The following PLAG1 variants were observed in gnomAD, a reference collection of about 807,000 sequenced individuals.
PLAG1 encodes the protein zinc finger protein PLAG1.
In PLAG1, 7 loss-of-function variants were observed where a neutral mutation model predicts 35.5. The observed-to-expected ratio is 0.20, with a 90% CI of 0.11 to 0.37. The LOEUF is 0.37. Ranked by LOEUF, PLAG1 falls within the 10% of genes least tolerant of loss-of-function variation. The pLI is 1.00. For synonymous variants in PLAG1, 229 were observed against 225.4 expected, an observed-to-expected ratio of 1.02 and a Z score of -0.14; for missense variants, 454 against 602.8, an observed-to-expected ratio of 0.75 and a Z score of 2.58.
chr8:56,180,937 T>C (rs1023198068), intron 1 of PLAG1, among the ~76,000 whole-genome samples: 1 of 152,110 alleles, frequency 6.6e-6, no homozygotes, highest in Admixed American at 6.5e-5. Context: ...TTGAAACATA[T>C]GAAATGTTTC....
At chr8:56,200,586 CAGGCTGGTAATAA>C (rs1812519490) in intron 1 of PLAG1, among the ~76,000 whole-genome samples, 3 of 152,236 alleles carry the variant, frequency 2.0e-5, no homozygotes, top group African/African-American at 4.8e-5. Context: ...GCACATTCCT[CAGGCTGGTAATAA>C]AGGCTTTTCA....
chr8:56,172,670 GAAC>G (rs1353411341), intron 2 of PLAG1, among the ~76,000 whole-genome samples: 1 of 152,118 alleles, frequency 6.6e-6, no homozygotes, highest in Non-Finnish European at 1.5e-5. Flanking sequence ...CACAGAAGAT[GAAC>G]AACTTGACAG....
chr8:56,178,017 G>A, intron 2 of PLAG1: 1 of 982,680 alleles, frequency 1.0e-6, no homozygotes. Context: ...AGCCAGCCTG[G>A]ACGTTTAGAA....
intron 1 of PLAG1, among the ~76,000 whole-genome samples, chr8:56,209,900 A>G (rs1305239904): frequency 6.6e-6 from 1 of 152,204 alleles, no homozygotes; most frequent in East Asian, 1.9e-4. Context: ...AATCACACAT[A>G]TTAACTCTAT....
chr8:56,180,217 C>G (rs1317866788), intron 1 of PLAG1, among the ~76,000 whole-genome samples: 1 of 152,230 alleles, frequency 6.6e-6, no homozygotes, highest in Admixed American at 6.5e-5. Context: ...AAAGAAGCCA[C>G]AAGTTCTATG....
chr8:56,194,601 ATGTGTGTTTGTGTGTGTGTGGCGTG>A (rs1177808793), intron 1 of PLAG1, among the ~76,000 whole-genome samples: 2 of 150,600 alleles, frequency 1.3e-5, no homozygotes, highest in East Asian at 2.0e-4. Context: ...GTGTGAATGT[ATGTGTGTTTGTGTGTGTGTGGCGTG>A]TGTGTGTTTG....
At chr8:56,208,830 T>C (rs917282295) in intron 1 of PLAG1, among the ~76,000 whole-genome samples, 4 of 152,212 alleles carry the variant, frequency 2.6e-5, no homozygotes, top group African/African-American at 9.6e-5. Flanking sequence ...CACTTTCTGT[T>C]AAATAACACA....
intron 3 of PLAG1, among the ~76,000 whole-genome samples, chr8:56,169,426 C>G (rs748568389): frequency 2.8e-4 from 43 of 151,544 alleles, no homozygotes; most frequent in Non-Finnish European, 5.9e-4. Context: ...GAATTAAAAC[C>G]TTTAAAAATT....
At chr8:56,191,820 A>AG in intron 1 of PLAG1, among the ~76,000 whole-genome samples, 1 of 152,162 alleles carries the variant, frequency 6.6e-6, no homozygotes, top group African/African-American at 2.4e-5. Context: ...AAAAAAAAAA[A>AG]AAAACCCAGA....
At chr8:56,198,287 C>T (rs1812442555) in intron 1 of PLAG1, among the ~76,000 whole-genome samples, 2 of 152,226 alleles carry the variant, frequency 1.3e-5, no homozygotes, top group Admixed American at 6.5e-5. Context: ...TGGAGCAGTG[C>T]TCCAGGGCCG....
chr8:56,181,643 CAA>C (rs1811866963), intron 1 of PLAG1, among the ~76,000 whole-genome samples: 1 of 152,102 alleles, frequency 6.6e-6, no homozygotes, highest in Non-Finnish European at 1.5e-5. Context: ...ATGGGTGCAA[CAA>C]ACCACCATAG....
Position 56,166,513 on chromosome 8 carries a change from T to C in PLAG1, c.1233A>G (p.Leu411=), listed in dbSNP as rs375925227. Residue 411 remains leucine (L), a synonymous_variant, in exon 5 of 5, where the codon CTA becomes CTG. Coordinates refer to ENST00000316981, the MANE Select transcript of PLAG1 (RefSeq NM_002655.3). ...SKSSISISDP[L]NTPALDFSQL... ...GAGAAAAATCCAATGCTGGTGTGTT[T>C]AGGGGGTCACTGATGGAGATAGAGC... The C allele has an allele frequency of 1.2e-6, 2 of 1,613,912 alleles. No homozygotes were observed. Among genetic ancestry groups the C allele is most frequent in the South Asian group, 1.1e-5 (1 of 91,082 alleles).
chr8:56,191,301 TG>T (rs1046447090), intron 1 of PLAG1, among the ~76,000 whole-genome samples: 10 of 152,072 alleles, frequency 6.6e-5, no homozygotes, highest in Admixed American at 6.6e-4. Flanking sequence ...ATGTGAGACC[TG>T]AGCTAGAGAG....
At chr8:56,179,023 C>CAAAAAAAAAA (rs1173709224) in intron 2 of PLAG1, among the ~76,000 whole-genome samples, 2 of 42,940 alleles carry the variant, frequency 4.7e-5, no homozygotes, top group Admixed American at 3.0e-4. Context: ...GCCCAGGAGA[C>CAAAAAAAAAA]AAAAAAAAAA....
At chr8:56,170,341 C>T (rs1395657037) in intron 3 of PLAG1, among the ~76,000 whole-genome samples, 1 of 152,200 alleles carries the variant, frequency 6.6e-6, no homozygotes, top group Non-Finnish European at 1.5e-5. Flanking sequence ...TCAAGGGCTT[C>T]TTGCTCTATT....
At chr8:56,209,617 C>T (rs944860070) in intron 1 of PLAG1, 27 of 152,286 alleles carry the variant, frequency 1.8e-4, no homozygotes, top group African/African-American at 6.0e-4. Context: ...GAGACATCAT[C>T]CTTTTATACA....
intron 1 of PLAG1, among the ~76,000 whole-genome samples, chr8:56,198,536 C>T (rs745500572): frequency 4.6e-5 from 7 of 152,210 alleles, no homozygotes; most frequent in Admixed American, 6.5e-5. Flanking sequence ...TCAGGGCCAG[C>T]GGTCCTCATA....
At chr8:56,196,951 CGT>C (rs10534078) in intron 1 of PLAG1, among the ~76,000 whole-genome samples, 1,878 of 143,004 alleles carry the variant, frequency 0.013, 18 homozygotes, top group Non-Finnish European at 0.017. Flanking sequence ...CCCTAGTGTG[CGT>C]GTGTGTGTGT....
In PLAG1 at chr8:56,166,954, G is replaced by A. The variant is rs757651460; in HGVS notation, c.792C>T (p.Asp264=). 117 of 1,614,042 alleles carry A rather than the reference G, an allele frequency of 7.2e-5. 1 individual carries two copies. The South Asian group carries it at 1.2e-3, about 16-fold the overall frequency. ...GTAAGGACATCACCGGAAGGAGCTC[G>A]TCTTTTATAGGCACAGACACATTGC... ...FTCNVSVPIK[D]ELLPVMSLPS... is the part of the protein sequence containing the mutation. Residue 264 remains aspartate, a synonymous_variant, in exon 5 of 5, where the codon GAC becomes GAT. Coordinates refer to ENST00000316981, the MANE Select transcript of PLAG1 (RefSeq NM_002655.3).
Sources: gnomAD v4.1 joint callset for allele counts (sites outside exome capture counted in the v4.1 genomes callset) on GRCh38, gnomAD v4.1.1 for gene constraint, MANE v1.5 for transcripts, NCBI Gene and HGNC (gene_info 2026-07-23, HGNC 2026-07-21) for gene names.